CA10: variants seen among roughly 807,000 people sequenced by gnomAD.
CA10 encodes the protein carbonic anhydrase 10 (inactive).
A neutral mutation model predicts 44.2 loss-of-function variants in CA10; 14 were observed. The ratio of observed to expected loss-of-function variants is 0.32; its 90% CI spans 0.21 to 0.50. The LOEUF (loss-of-function observed/expected upper bound fraction) is 0.50, where lower values mean the gene tolerates loss of function less well. Among genes scored for constraint, CA10 ranks in the 20% least tolerant of loss-of-function variants. CA10 has a pLI of 0.99. For synonymous variants in CA10, 159 were observed against 141.6 expected, an observed-to-expected ratio of 1.12 and a Z score of -0.87; for missense variants, 350 against 409.7, an observed-to-expected ratio of 0.85 and a Z score of 1.26.
intron 1 of CA10, among the ~76,000 whole-genome samples, chr17:52,092,174 CTCAG>C (rs1330968429): frequency 6.6e-6 from 1 of 152,090 alleles, no homozygotes; most frequent in African/African-American, 2.4e-5. Flanking sequence ...TTGTATTTTT[CTCAG>C]TGTCTATCTC....
At chr17:51,925,252 A>G (rs576601736) in intron 3 of CA10, among the ~76,000 whole-genome samples, 3 of 152,148 alleles carry the variant, frequency 2.0e-5, no homozygotes, top group South Asian at 2.1e-4. Flanking sequence ...TCTACAACCT[A>G]TCTCCTTCTC....
chr17:51,919,353 C>A (rs559059390), intron 3 of CA10, among the ~76,000 whole-genome samples: 1 of 152,164 alleles, frequency 6.6e-6, no homozygotes, highest in Non-Finnish European at 1.5e-5. Context: ...CAACTGATAC[C>A]AGCTTTTTAA....
chr17:51,856,141 G>A (rs1330309929), intron 3 of CA10, among the ~76,000 whole-genome samples: 3 of 152,156 alleles, frequency 2.0e-5, no homozygotes, highest in Non-Finnish European at 4.4e-5. Flanking sequence ...GGACAATCCT[G>A]TCTCTTTGCT....
At chr17:51,867,328 G>C (rs1979594905) in intron 3 of CA10, among the ~76,000 whole-genome samples, 1 of 152,268 alleles carries the variant, frequency 6.6e-6, no homozygotes, top group Non-Finnish European at 1.5e-5. Context: ...GTCTAAAAGT[G>C]CCTAAATAGA....
At chr17:51,791,882 C>T (rs551484838) in intron 3 of CA10, among the ~76,000 whole-genome samples, 1 of 152,188 alleles carries the variant, frequency 6.6e-6, no homozygotes, top group Non-Finnish European at 1.5e-5. Flanking sequence ...TGGAACTTTG[C>T]TTGAACCTTT....
At chr17:52,099,323 C>G (rs1988481930) in intron 1 of CA10, among the ~76,000 whole-genome samples, 2 of 152,172 alleles carry the variant, frequency 1.3e-5, no homozygotes, top group Admixed American at 1.3e-4. Flanking sequence ...GGGTTAGATC[C>G]TGCTGACCTA....
chr17:52,159,108 G>A (rs1449265853), upstream of CA10, among the ~76,000 whole-genome samples: 1 of 152,232 alleles, frequency 6.6e-6, no homozygotes, highest in African/African-American at 2.4e-5. Flanking sequence ...TTCGGCGCGG[G>A]AGACCCAGGC....
intron 2 of CA10, among the ~76,000 whole-genome samples, chr17:52,010,278 T>C (rs111622818): frequency 0.032 from 4,828 of 152,010 alleles, 260 homozygotes; most frequent in African/African-American, 0.11. Context: ...AGAGTTATTA[T>C]AGAAAAAAGA....
intron 6 of CA10, among the ~76,000 whole-genome samples, chr17:51,639,159 C>T (rs990323586): frequency 1.3e-5 from 2 of 152,076 alleles, no homozygotes. Flanking sequence ...GTGGTTTGGC[C>T]TGAAGATTAA....
intron 4 of CA10, among the ~76,000 whole-genome samples, chr17:51,721,697 G>A (rs1160166906): frequency 6.6e-6 from 1 of 152,076 alleles, no homozygotes; most frequent in African/African-American, 2.4e-5. Context: ...CTGGTGAGGG[G>A]TCATAATTAT....
chr17:51,874,397 A>C (rs929468995), intron 3 of CA10, among the ~76,000 whole-genome samples: 5 of 151,738 alleles, frequency 3.3e-5, no homozygotes, highest in African/African-American at 7.3e-5. Context: ...TTAAAAAAAA[A>C]AAAAAAAAAC....
chr17:51,719,150 A>C (rs1916273022), intron 4 of CA10, among the ~76,000 whole-genome samples: 1 of 152,176 alleles, frequency 6.6e-6, no homozygotes, highest in South Asian at 2.1e-4. Context: ...GTACTGGAAA[A>C]AGTCCAGGAT....
chr17:51,762,037 C>A (rs1905229489), intron 3 of CA10: 1 of 152,184 alleles, frequency 6.6e-6, no homozygotes, highest in South Asian at 2.1e-4. Flanking sequence ...CCATCAATAT[C>A]ACTACCATCT....
chr17:52,097,267 A>G (rs1988426603), intron 1 of CA10, among the ~76,000 whole-genome samples: 1 of 152,176 alleles, frequency 6.6e-6, no homozygotes, highest in Non-Finnish European at 1.5e-5. Context: ...ATGTGTGTCA[A>G]TAGATGGGTT....
At chr17:52,126,123 A>T (rs768285219) in intron 1 of CA10, among the ~76,000 whole-genome samples, 3 of 152,226 alleles carry the variant, frequency 2.0e-5, no homozygotes, top group Non-Finnish European at 4.4e-5. Flanking sequence ...GGTAAGTGTT[A>T]TGTGAAAAAA....
Position 52,009,112 on chromosome 17 carries a change from A to T in CA10, c.136+63207T>A, listed in dbSNP as rs536027548. On this transcript the variant is annotated intron_variant, in intron 2 of 8. Coordinates refer to ENST00000451037, the MANE Select transcript of CA10 (RefSeq NM_020178.5). ...TAAAGACACTACAAGTCTAAATCTC[A>T]CTCCTTCAAGAGTCAGCCTCCCTCT... 2.0e-5 allele frequency among the ~76,000 whole-genome samples: 3 copies of T among 151,728 alleles called. No homozygotes were observed. In the East Asian group the frequency reaches 5.9e-4, roughly 30 times the overall value.
At chr17:51,912,401 C>T (rs762407507) in intron 3 of CA10, among the ~76,000 whole-genome samples, 3 of 152,160 alleles carry the variant, frequency 2.0e-5, no homozygotes, top group Admixed American at 6.6e-5. Context: ...AGTCCAAGTG[C>T]ATTCCTTGTT....
At chr17:51,662,368 T>C (rs1167034321) in intron 4 of CA10, among the ~76,000 whole-genome samples, 1 of 152,134 alleles carries the variant, frequency 6.6e-6, no homozygotes, top group African/African-American at 2.4e-5. Flanking sequence ...CTAAAATAAA[T>C]AGGTGAAGTG....
chr17:52,115,603 C>T (rs1263669307), intron 1 of CA10, among the ~76,000 whole-genome samples: 3 of 152,136 alleles, frequency 2.0e-5, no homozygotes, highest in Admixed American at 6.5e-5. Context: ...GGGTGTTCCA[C>T]CCCCACCCCA....
Sources: gnomAD v4.1 joint callset for allele counts (sites outside exome capture counted in the v4.1 genomes callset) on GRCh38, gnomAD v4.1.1 for gene constraint, MANE v1.5 for transcripts, NCBI Gene and HGNC (gene_info 2026-07-23, HGNC 2026-07-21) for gene names.